The following ZNF385D variants were observed in gnomAD, a reference collection of about 807,000 sequenced individuals.
The protein encoded by ZNF385D is zinc finger protein 659.
A neutral mutation model predicts 35.8 loss-of-function variants in ZNF385D; 15 were observed. The ratio of observed to expected loss-of-function variants is 0.42; its 90% CI spans 0.28 to 0.64. ZNF385D has a LOEUF of 0.64. Among genes scored for constraint, ZNF385D ranks in the 30% least tolerant of loss-of-function variants. The probability of loss-of-function intolerance (pLI) is 0.23; values close to 1 mark genes in which losing one functional copy is unlikely to be tolerated. For synonymous variants in ZNF385D, 212 were observed against 186.8 expected, an observed-to-expected ratio of 1.13 and a Z score of -1.10; for missense variants, 474 against 494.6, an observed-to-expected ratio of 0.96 and a Z score of 0.39.
chr3:21,669,445 A>G (rs916730029), intron 1 of ZNF385D, among the ~76,000 whole-genome samples: 10 of 152,224 alleles, frequency 6.6e-5, no homozygotes, highest in African/African-American at 2.2e-4. Flanking sequence ...TATATTCACA[A>G]AAGTACTAAC....
At chr3:22,248,490 T>C (rs1422429568) in intron 2 of ZNF385D, among the ~76,000 whole-genome samples, 1 of 152,164 alleles carries the variant, frequency 6.6e-6, no homozygotes, top group Admixed American at 6.5e-5. Flanking sequence ...ATACAACTCA[T>C]TATTTATATA....
At chr3:22,086,583 A>G (rs1391596003) in intron 3 of ZNF385D, among the ~76,000 whole-genome samples, 1 of 152,232 alleles carries the variant, frequency 6.6e-6, no homozygotes, top group Admixed American at 6.5e-5. Flanking sequence ...TTCCATGCTC[A>G]TAGATAGGAA....
chr3:21,592,555 A>AC (rs2064010749), intron 2 of ZNF385D, among the ~76,000 whole-genome samples: 2 of 100,636 alleles, frequency 2.0e-5, no homozygotes, highest in African/African-American at 7.7e-5. Flanking sequence ...AAAAAAAAAA[A>AC]CCAAAAACAA....
intron 3 of ZNF385D, among the ~76,000 whole-genome samples, chr3:21,523,720 G>T (rs1708052659): frequency 6.6e-6 from 1 of 152,098 alleles, no homozygotes; most frequent in African/African-American, 2.4e-5. Context: ...AAGTTTGTAG[G>T]TTCATTTAAA....
chr3:21,641,134 CGT>C (rs1359827015), intron 2 of ZNF385D, among the ~76,000 whole-genome samples: 7 of 152,072 alleles, frequency 4.6e-5, no homozygotes, highest in Admixed American at 4.6e-4. Flanking sequence ...GTTTTCCTGA[CGT>C]GTTCTTGCTG....
chr3:21,533,246 A>C (rs2125539549), intron 3 of ZNF385D, among the ~76,000 whole-genome samples: 1 of 151,876 alleles, frequency 6.6e-6, no homozygotes, highest in East Asian at 1.9e-4. Flanking sequence ...AGAGGAAGTC[A>C]CTTCATCATT....
chr3:21,716,107 C>T (rs1286202051), intron 1 of ZNF385D, among the ~76,000 whole-genome samples: 1 of 152,150 alleles, frequency 6.6e-6, no homozygotes. Context: ...GTCCACTCTA[C>T]TTCCCAAAGT....
At chr3:22,027,971 G>A (rs980920420) in intron 3 of ZNF385D, among the ~76,000 whole-genome samples, 2 of 152,318 alleles carry the variant, frequency 1.3e-5, no homozygotes, top group East Asian at 1.9e-4. Context: ...AAGGATAGCA[G>A]TGAAGTGAAA....
At chr3:22,302,078 G>T (rs1429673845) in intron 2 of ZNF385D, among the ~76,000 whole-genome samples, 1 of 151,644 alleles carries the variant, frequency 6.6e-6, no homozygotes, top group Non-Finnish European at 1.5e-5. Context: ...GAAATTTCTT[G>T]TGCTTGTCTC....
chr3:21,856,292 T>C (rs1696710030), intron 3 of ZNF385D, among the ~76,000 whole-genome samples: 1 of 141,120 alleles, frequency 7.1e-6, no homozygotes, highest in Non-Finnish European at 1.5e-5. Context: ...CAGGATTACA[T>C]CCATGGACCC....
At chr3:21,757,134 T>TTTTTTTTTTTTTTTGTTTTTG (rs1553654008) in intron 3 of ZNF385D, among the ~76,000 whole-genome samples, 1 of 128,232 alleles carries the variant, frequency 7.8e-6, no homozygotes, top group African/African-American at 2.9e-5. Flanking sequence ...TTTTTTTTTT[T>TTTTTTTTTTTTTTTGTTTTTG]TTTTTGTTTT....
chr3:22,317,154 G>A (rs1703934591), intron 2 of ZNF385D, among the ~76,000 whole-genome samples: 1 of 151,644 alleles, frequency 6.6e-6, no homozygotes, highest in African/African-American at 2.4e-5. Context: ...GCATGCACCT[G>A]TAATTCCAGC....
rs1282191715 is a variant in ZNF385D, at chr3:22,110,677, C to A, written c.325+58140G>T. The stretch of plus-strand genomic sequence containing the variant: ...TGGGGAGGGACAGCATTTGGAGATA[C>A]ACCTAATGTTAAATGACAAGTTAAT... On this transcript the variant is annotated intron_variant, in intron 3 of 5. Coordinates refer to the ZNF385D transcript ENST00000494108. Among the ~76,000 whole-genome samples, 5 of 151,646 alleles carry A rather than the reference C, an allele frequency of 3.3e-5. 1 individual carries two copies. The highest frequency in any genetic ancestry group is 1.5e-5 in the Non-Finnish European group (1 of 67,956).
intron 3 of ZNF385D, among the ~76,000 whole-genome samples, chr3:21,878,396 T>C (rs559291112): frequency 6.6e-6 from 1 of 152,136 alleles, no homozygotes; most frequent in Admixed American, 6.6e-5. Flanking sequence ...TACTATCAGT[T>C]TCATGAGTGC....
chr3:21,577,836 G>T (rs1415799675), intron 2 of ZNF385D, among the ~76,000 whole-genome samples: 3 of 149,542 alleles, frequency 2.0e-5, no homozygotes, highest in Admixed American at 2.0e-4. Flanking sequence ...TCGAGACAGG[G>T]TCTCACTCCA....
chr3:21,934,014 A>AT (rs1001787812), intron 3 of ZNF385D, among the ~76,000 whole-genome samples: 17 of 151,946 alleles, frequency 1.1e-4, no homozygotes, highest in African/African-American at 4.1e-4. Context: ...ATTAAAAAAA[A>AT]AATCCTAACT....
intron 2 of ZNF385D, among the ~76,000 whole-genome samples, chr3:22,324,576 G>A (rs1399690995): frequency 6.6e-6 from 1 of 152,094 alleles, no homozygotes; most frequent in Non-Finnish European, 1.5e-5. Context: ...ATTATCCTAT[G>A]AGCATTTTCA....
At chr3:21,971,195 T>C (rs1703232731) in intron 3 of ZNF385D, among the ~76,000 whole-genome samples, 1 of 152,032 alleles carries the variant, frequency 6.6e-6, no homozygotes, top group African/African-American at 2.4e-5. Context: ...GTAATTATGG[T>C]GTATAAACTA....
At chr3:21,779,678 A>G (rs573114319) in intron 3 of ZNF385D, among the ~76,000 whole-genome samples, 1 of 152,152 alleles carries the variant, frequency 6.6e-6, no homozygotes, top group South Asian at 2.1e-4. Context: ...CACTCACTTT[A>G]CAAATGTAAG....
Sources: gnomAD v4.1 joint callset for allele counts (sites outside exome capture counted in the v4.1 genomes callset) on GRCh38, gnomAD v4.1.1 for gene constraint, MANE v1.5 for transcripts, NCBI Gene and HGNC (gene_info 2026-07-23, HGNC 2026-07-21) for gene names.